UBXN4: variants seen among roughly 807,000 people sequenced by gnomAD.
UBXN4 encodes the protein UBX domain-containing protein 4.
Under a neutral mutation model 66.2 loss-of-function variants are expected in UBXN4, and 35 were observed. The observed-to-expected ratio is 0.53, with a 90% CI of 0.40 to 0.70. UBXN4 has a LOEUF of 0.70. UBXN4 is among the 30% of genes least tolerant of loss of function. The pLI is 0.00. For synonymous variants in UBXN4, 203 were observed against 204.5 expected, an observed-to-expected ratio of 0.99 and a Z score of 0.06; for missense variants, 533 against 599.8, an observed-to-expected ratio of 0.89 and a Z score of 1.16.
chr2:135,753,692 TTA>T (rs1575315552), intron 3 of UBXN4, 125 bp downstream of exon 3: 1 of 859,894 alleles, frequency 1.2e-6, no homozygotes. Context: ...TATGGAAACT[TTA>T]TTACTAAGTG....
rs2077388994 is a variant in UBXN4 at position 135,772,463 on chromosome 2, A to G, written c.866A>G (p.Glu289Gly). The G allele has an allele frequency of 3.0e-5, 48 of 1,614,178 alleles. No homozygotes were observed. The highest frequency in any genetic ancestry group is 4.0e-5 in the Non-Finnish European group (47 of 1,179,998). The change falls in exon 9 of 13, where the codon GAA becomes GGA. Residue 289 changes from glutamate to glycine, a missense_variant. Physicochemically the swap from Glu to Gly is moderately conservative, Grantham distance 98 (BLOSUM62 -2). Transcript: ENST00000272638. ...RAARFAKTKE[E>G]VEAAKAAALL... ...GCTCGTTTTGCAAAGACAAAGGAAG[A>G]AGTAGAGGCTGCCAAAGCTGCTGCC...
intron 12 of UBXN4, 91 bp downstream of exon 12, chr2:135,780,476 A>G (rs1322418323): frequency 5.7e-6 from 7 of 1,219,240 alleles, no homozygotes; most frequent in East Asian, 2.4e-5. Flanking sequence ...GCCTTTCTGT[A>G]TATGTCCTCT....
intron 5 of UBXN4, among the ~76,000 whole-genome samples, 179 bp from the exon 6 acceptor site, chr2:135,761,639 T>C (rs999981532): frequency 6.6e-6 from 1 of 152,256 alleles, no homozygotes; most frequent in African/African-American, 2.4e-5. Flanking sequence ...TGAACAATTT[T>C]ATCCACGTCT....
chr2:135,781,943 G>A (rs10188066), intron 12 of UBXN4, among the ~76,000 whole-genome samples: 92,217 of 152,032 alleles, frequency 0.61, 30,366 homozygotes, highest in Non-Finnish European at 0.76. Context: ...GTGTGATAGC[G>A]TGTGCCTATA....
intron 10 of UBXN4, among the ~76,000 whole-genome samples, chr2:135,778,313 A>T (rs184585880): frequency 6.6e-6 from 1 of 152,196 alleles, no homozygotes; most frequent in East Asian, 1.9e-4. Context: ...TACGAAAAAC[A>T]AGTTAGTCTC....
chr2:135,755,919 T>C (rs191436199), intron 5 of UBXN4, among the ~76,000 whole-genome samples: 8 of 152,172 alleles, frequency 5.3e-5, no homozygotes. Flanking sequence ...AGCAATTGAT[T>C]TATAATTTCT....
chr2:135,773,048 A>AG (rs2105506454), intron 9 of UBXN4, among the ~76,000 whole-genome samples: 1 of 151,068 alleles, frequency 6.6e-6, no homozygotes, highest in Non-Finnish European at 1.5e-5. Context: ...AAAAAAAAAA[A>AG]AAAAAAAAAA....
At position 135,755,574 on chromosome 2, in the gene UBXN4, G is replaced by A. The variant is rs1044740125; in HGVS notation, c.391G>A (p.Val131Met). ...AAATGGCAGTCAGTCAGAAAGTTCAGTGTCTACTCCATCTGCGTCATTTGA... is the reference window on the plus strand; with the variant it reads ...AAATGGCAGTCAGTCAGAAAGTTCAATGTCTACTCCATCTGCGTCATTTGA... ...VANGSQSESS[V>M]STPSASFEPN... The change falls in exon 5 of 13, where the codon GTG (valine) becomes ATG (methionine). Residue 131 changes from valine (V) to methionine (M), a missense_variant. By Grantham distance (21) the Val-to-Met change is conservative (BLOSUM62 1). Around this residue, in one of 2 missense-constraint regions of UBXN4, gnomAD observed 529 missense variants for 580.1 expected, o/e 0.91. Coordinates refer to ENST00000272638, the MANE Select transcript of UBXN4 (RefSeq NM_014607.4). The A allele has an allele frequency of 1.6e-5, 26 of 1,607,458 alleles. No homozygotes were observed. The highest frequency in any genetic ancestry group is 2.1e-5 in the Non-Finnish European group (25 of 1,176,730).
Position 135,754,222 on chromosome 2 carries a change from TAGC to T in UBXN4, c.281_283del (p.Ala94del). The T allele has an allele frequency of 6.2e-7, 1 of 1,614,178 alleles. No homozygotes were observed. Among genetic ancestry groups the T allele is most frequent in the Non-Finnish European group, 8.5e-7 (1 of 1,180,006 alleles). ...GACAGTGGAATTCCCTTGGAAGTAA[TAGC>T]AGGAAGTGTTTCTGCAGATGAACTT... On this transcript the variant is annotated inframe_deletion, in exon 4 of 13. Transcript: ENST00000272638.
At position 135,753,977 on chromosome 2, in the gene UBXN4, A is replaced by G. The variant is rs539070005; in HGVS notation, c.215-182A>G. The G allele has an allele frequency of 2.2e-5, 12 of 542,684 alleles. No individual in the cohort carries two copies. The South Asian group carries it at 2.6e-4, about 12-fold the overall frequency. The allele number at this position is 542,684 out of a possible 1,614,324, so 33.6% of individuals were successfully genotyped here. A position where few individuals can be genotyped will look rare whatever the true frequency, so the allele number is the denominator to read the frequency against. ...TTCTTCACTAGAATATACCTCATAA[A>G]TTAACATGTCACATGTATTAATACT... On this transcript the variant is annotated intron_variant, in intron 3 of 12. Transcript: ENST00000272638.
At chr2:135,765,711 C>A (rs80348046) in intron 6 of UBXN4, among the ~76,000 whole-genome samples, 4,239 of 151,502 alleles carry the variant, frequency 0.028, 213 homozygotes, top group African/African-American at 0.098. Context: ...TGCCTAGATA[C>A]CTCAGCATGC....
In UBXN4 at chr2:135,780,169, T is replaced by C. The variant is rs1016381735; in HGVS notation, c.1186-14T>C. 2 of 1,613,664 alleles carry C rather than the reference T, an allele frequency of 1.2e-6. No individual in the cohort carries two copies. The highest frequency in any genetic ancestry group is 1.7e-6 in the Non-Finnish European group (2 of 1,179,752). On this transcript the variant is annotated splice_polypyrimidine_tract_variant and intron_variant, in intron 11 of 12. Coordinates refer to ENST00000272638, the MANE Select transcript of UBXN4 (RefSeq NM_014607.4). ...TAACGTAGTCTTTATCTAGGTTTGT[T>C]TATTAATTTCTAGGCAGGAAGACCA...
rs1319137730 is a variant in UBXN4 at position 135,761,798 on chromosome 2, C to G, written c.509-20C>G. 9 of 1,567,220 alleles carry G rather than the reference C, an allele frequency of 5.7e-6. No individual in the cohort carries two copies. The Admixed American group carries it at 1.8e-4, about 31-fold the overall frequency. On this transcript the variant is annotated intron_variant, in intron 5 of 12. Coordinates refer to ENST00000272638, the MANE Select transcript of UBXN4 (RefSeq NM_014607.4). Reference sequence around the variant, plus strand: ...TGCATTAAATGCAGTATTCTTATTTCTTTTTATTTAATAATTAAGGAGGAG... The same window carrying G: ...TGCATTAAATGCAGTATTCTTATTTGTTTTTATTTAATAATTAAGGAGGAG...
At chr2:135,744,729 C>T (rs1353444734) in intron 1 of UBXN4, among the ~76,000 whole-genome samples, 1 of 152,152 alleles carries the variant, frequency 6.6e-6, no homozygotes, top group East Asian at 1.9e-4. Flanking sequence ...ACTGCCGATA[C>T]AAAGGATATG....
chr2:135,747,348 CAAAAAAAA>C (rs138276089), intron 1 of UBXN4, among the ~76,000 whole-genome samples: 1 of 83,514 alleles, frequency 1.2e-5, no homozygotes, highest in African/African-American at 4.4e-5. Flanking sequence ...AACTCCATCT[CAAAAAAAA>C]AAAAAAAAAA....
At chr2:135,761,229 T>G (rs2077313703) in intron 5 of UBXN4, among the ~76,000 whole-genome samples, 1 of 152,196 alleles carries the variant, frequency 6.6e-6, no homozygotes, top group Non-Finnish European at 1.5e-5. Flanking sequence ...GACAAAAGTC[T>G]ATCTTTCAGG....
Position 135,780,323 on chromosome 2 carries a change from T to G in UBXN4, c.1326T>G (p.Thr442=), listed in dbSNP as rs1199440970. The change falls in exon 12 of 13, where the codon ACT becomes ACG. Residue 442 remains threonine (T), a synonymous_variant. Transcript: ENST00000272638. ...TTAGTAATCCGCCTCCCACACAGAC[T>G]TCAGTGAGAGTAACATCGTCAGAAC... ...FLFSNPPPTQ[T]SVRVTSSEPP... 6.2e-7 allele frequency: 1 copy of G among 1,614,134 alleles called. No individual in the cohort carries two copies. The highest frequency in any genetic ancestry group is 8.5e-7 in the Non-Finnish European group (1 of 1,180,034).
At chr2:135,762,855 T>C (rs1163031179) in intron 6 of UBXN4, among the ~76,000 whole-genome samples, 1 of 152,196 alleles carries the variant, frequency 6.6e-6, no homozygotes, top group Non-Finnish European at 1.5e-5. Flanking sequence ...CCCACTACTC[T>C]GTACCTTTAT....
chr2:135,748,309 A>G lies in UBXN4; in HGVS notation c.125A>G (p.Asp42Gly). 6.2e-7 allele frequency: 1 copy of G among 1,607,754 alleles called. No individual in the cohort carries two copies. The highest frequency in any genetic ancestry group is 8.5e-7 in the Non-Finnish European group (1 of 1,176,770). The change falls in exon 2 of 13, where the codon GAT becomes GGT. Residue 42 changes from aspartate to glycine, a missense_variant. By Grantham distance (94) the Asp-to-Gly change is moderately conservative (BLOSUM62 -1). This residue lies in a region of UBXN4 where 529 missense variants were observed against 580.1 expected (regional missense o/e 0.91). Transcript: ENST00000272638. ...QSTQMAASWEDDKVTEASSNS... is the reference protein window; with the variant it reads ...QSTQMAASWEGDKVTEASSNS... ...ACACAGATGGCTGCAAGTTGGGAAG[A>G]TGATAAAGTTACAGAAGCATCTTCA...
Sources: gnomAD v4.1 joint callset for allele counts (sites outside exome capture counted in the v4.1 genomes callset) on GRCh38, gnomAD v4.1.1 for gene constraint, gnomAD v4.1.1 regional missense constraint, MANE v1.5 for transcripts, NCBI Gene and HGNC (gene_info 2026-07-23, HGNC 2026-07-21) for gene names.